MALRD1: variants seen among roughly 807,000 people sequenced by gnomAD.
MALRD1 encodes the protein MAM and LDL receptor class A domain containing 1.
MALRD1 carries 247 observed loss-of-function variants against 242.1 expected under a neutral mutation model. The observed-to-expected ratio is 1.02, with a 90% CI of 0.92 to 1.13. The LOEUF (loss-of-function observed/expected upper bound fraction) is 1.13. Among genes scored for constraint, MALRD1 ranks in the 50% most tolerant of loss-of-function variants. The pLI is 0.00. For missense variants in MALRD1, 2,989 were observed against 2,533.1 expected (o/e 1.18, Z -3.86); for synonymous variants, 995 against 866.6 (o/e 1.15, Z -2.60).
At chr10:19,644,888 G>C (rs779742130) in intron 36 of MALRD1, among the ~76,000 whole-genome samples, 1 of 152,112 alleles carries the variant, frequency 6.6e-6, no homozygotes, top group Non-Finnish European at 1.5e-5. Flanking sequence ...TAGATTCTTA[G>C]TGCAGATAAG....
At chr10:19,288,561 T>C (rs948216213) in intron 21 of MALRD1, among the ~76,000 whole-genome samples, 7 of 152,066 alleles carry the variant, frequency 4.6e-5, no homozygotes, top group African/African-American at 1.7e-4. Context: ...TTATTTTAAG[T>C]AGGGATTTTC....
chr10:19,514,376 A>T (rs1833538095), intron 31 of MALRD1, among the ~76,000 whole-genome samples: 1 of 152,164 alleles, frequency 6.6e-6, no homozygotes, highest in African/African-American at 2.4e-5. Context: ...ATGCCATTTA[A>T]CATGTTAGAT....
At chr10:19,623,418 T>G (rs1036325944) in intron 36 of MALRD1, among the ~76,000 whole-genome samples, 1 of 152,142 alleles carries the variant, frequency 6.6e-6, no homozygotes, top group African/African-American at 2.4e-5. Flanking sequence ...CAATAGGATA[T>G]GTATAGATAT....
chr10:19,589,585 G>A (rs1403709983), intron 33 of MALRD1, among the ~76,000 whole-genome samples: 1 of 152,140 alleles, frequency 6.6e-6, no homozygotes, highest in African/African-American at 2.4e-5. Context: ...CATTAGGTCT[G>A]TATAATACCC....
chr10:19,404,098 CTTTTTA>C (rs1300257040), intron 28 of MALRD1, among the ~76,000 whole-genome samples: 2 of 151,978 alleles, frequency 1.3e-5, no homozygotes, highest in African/African-American at 4.8e-5. Flanking sequence ...GAAAAAAATA[CTTTTTA>C]TTTTGTTTTT....
intron 33 of MALRD1, among the ~76,000 whole-genome samples, chr10:19,569,970 T>C (rs77207505): frequency 0.015 from 2,307 of 151,788 alleles, 56 homozygotes; most frequent in African/African-American, 0.053. Flanking sequence ...GAAATTACTG[T>C]TTTTCAAAAT....
chr10:19,049,153 C>T lies in MALRD1; in HGVS notation c.199+16C>T, dbSNP rs1448929423. 1 of 1,233,830 alleles carries T rather than the reference C, an allele frequency of 8.1e-7. No homozygotes were observed. Among genetic ancestry groups the T allele is most frequent in the East Asian group, 3.2e-5 (1 of 31,702 alleles). The allele number at this position is 1,233,830 out of a possible 1,614,324, so 76.4% of individuals were successfully genotyped here. On this transcript the variant is annotated intron_variant, in intron 1 of 39. Coordinates refer to ENST00000454679, the MANE Select transcript of MALRD1 (RefSeq NM_001142308.3). ...GAACGGCACTGTAAGTGACATTCTC[C>T]TTTCTCCAATTTCAATTCCCCGTAC...
At chr10:19,118,074 CA>C (rs1339291592) in intron 5 of MALRD1, among the ~76,000 whole-genome samples, 2 of 151,790 alleles carry the variant, frequency 1.3e-5, no homozygotes, top group African/African-American at 2.4e-5. Flanking sequence ...AACAGTAAAG[CA>C]AAAAACTGTG....
At chr10:19,337,047 T>C (rs1237200152) in intron 24 of MALRD1, among the ~76,000 whole-genome samples, 2 of 152,128 alleles carry the variant, frequency 1.3e-5, no homozygotes, top group South Asian at 2.1e-4. Flanking sequence ...TGTGTGTATA[T>C]GTATTACACA....
chr10:19,445,378 G>A (rs1470500031), intron 28 of MALRD1, among the ~76,000 whole-genome samples: 1 of 152,058 alleles, frequency 6.6e-6, no homozygotes, highest in African/African-American at 2.4e-5. Flanking sequence ...TCCTTTGGAG[G>A]AGAAGAGACA....
chr10:19,280,805 C>T (rs977499874), intron 20 of MALRD1, among the ~76,000 whole-genome samples: 1 of 152,074 alleles, frequency 6.6e-6, no homozygotes, highest in Non-Finnish European at 1.5e-5. Context: ...GGCTTCTCAG[C>T]CAAAGATACA....
At chr10:19,656,227 A>T (rs1002884498) in intron 36 of MALRD1, among the ~76,000 whole-genome samples, 1 of 152,142 alleles carries the variant, frequency 6.6e-6, no homozygotes, top group African/African-American at 2.4e-5. Flanking sequence ...ATACTACTTG[A>T]GGTGTTTAGA....
At chr10:19,199,312 ACATAG>A (rs1281228178) in intron 14 of MALRD1, among the ~76,000 whole-genome samples, 1 of 152,354 alleles carries the variant, frequency 6.6e-6, no homozygotes. Flanking sequence ...CATTAAAAAC[ACATAG>A]CATAATGCTT....
chr10:19,529,945 T>C (rs1834280289), intron 31 of MALRD1, among the ~76,000 whole-genome samples: 1 of 152,050 alleles, frequency 6.6e-6, no homozygotes, highest in African/African-American at 2.4e-5. Flanking sequence ...TGTACATGCA[T>C]AGGAAGACAA....
intron 29 of MALRD1, chr10:19,489,208 GA>G (rs1564384775): frequency 4.2e-6 from 2 of 473,142 alleles, no homozygotes. Context: ...AGGCGAAGCC[GA>G]AAAAGGCAGC....
chr10:19,451,451 A>T (rs1239988025), intron 29 of MALRD1, among the ~76,000 whole-genome samples: 2 of 152,192 alleles, frequency 1.3e-5, no homozygotes, highest in Non-Finnish European at 2.9e-5. Context: ...AAAAATAATT[A>T]TAAATACATT....
intron 11 of MALRD1, among the ~76,000 whole-genome samples, chr10:19,151,731 T>C (rs892702780): frequency 2.0e-5 from 3 of 152,168 alleles, no homozygotes; most frequent in African/African-American, 7.2e-5. Context: ...ATTAAGAAAT[T>C]GAATGTATGT....
At chr10:19,286,492 C>A (rs1483584001) in intron 21 of MALRD1, among the ~76,000 whole-genome samples, 1 of 152,106 alleles carries the variant, frequency 6.6e-6, no homozygotes, top group Non-Finnish European at 1.5e-5. Context: ...AAGGCTTTTT[C>A]TGCATCTATT....
At chr10:19,449,555 TATC>T (rs2131033638) in intron 28 of MALRD1, among the ~76,000 whole-genome samples, 1 of 152,306 alleles carries the variant, frequency 6.6e-6, no homozygotes, top group African/African-American at 2.4e-5. Context: ...ATGTCATAGT[TATC>T]ATCAGAGATG....
Sources: gnomAD v4.1 joint callset for allele counts (sites outside exome capture counted in the v4.1 genomes callset) on GRCh38, gnomAD v4.1.1 for gene constraint, MANE v1.5 for transcripts, NCBI Gene and HGNC (gene_info 2026-07-23, HGNC 2026-07-21) for gene names.